The following EPHA7 variants were observed in gnomAD, a reference collection of about 807,000 sequenced individuals.
EPHA7 encodes the protein EPH receptor A7.
Under a neutral mutation model 112.6 loss-of-function variants are expected in EPHA7, and 25 were observed. That is an observed-to-expected ratio of 0.22 (90% confidence interval 0.16 to 0.31). The LOEUF (loss-of-function observed/expected upper bound fraction) is 0.31. EPHA7 is among the 10% of genes least tolerant of loss of function. The pLI is 1.00. For synonymous variants in EPHA7, 437 were observed against 406.5 expected (o/e 1.07, Z -0.90); for missense variants, 962 against 1,212.6 (o/e 0.79, Z 3.07).
chr6:93,271,768 T>C (rs1771232504), intron 6 of EPHA7, among the ~76,000 whole-genome samples: 1 of 151,898 alleles, frequency 6.6e-6, no homozygotes, highest in Admixed American at 6.6e-5. Context: ...TTAAAACATA[T>C]ATAAAATAAA....
At chr6:93,270,673 G>C (rs1328294638) in intron 6 of EPHA7, among the ~76,000 whole-genome samples, 1 of 151,594 alleles carries the variant, frequency 6.6e-6, no homozygotes, top group Non-Finnish European at 1.5e-5. Context: ...CCTTCACAGT[G>C]AGATTTGCAA....
chr6:93,340,234 A>G (rs556122823), intron 5 of EPHA7, among the ~76,000 whole-genome samples: 105 of 151,976 alleles, frequency 6.9e-4, no homozygotes, highest in African/African-American at 2.4e-3. Context: ...ATGTGCATAC[A>G]TAAACTTTAC....
intron 5 of EPHA7, among the ~76,000 whole-genome samples, chr6:93,302,559 TTC>T (rs1284707916): frequency 6.6e-6 from 1 of 152,200 alleles, no homozygotes; most frequent in Non-Finnish European, 1.5e-5. Flanking sequence ...GCGCATATAA[TTC>T]TCTGAGATGT....
At chr6:93,269,146 G>T (rs1434187491) in intron 7 of EPHA7, among the ~76,000 whole-genome samples, 1 of 151,672 alleles carries the variant, frequency 6.6e-6, no homozygotes, top group Non-Finnish European at 1.5e-5. Flanking sequence ...GACACACTTA[G>T]AATAAGATTG....
At chr6:93,389,992 A>C (rs1167819037) in intron 3 of EPHA7, among the ~76,000 whole-genome samples, 2 of 151,956 alleles carry the variant, frequency 1.3e-5, no homozygotes, top group South Asian at 2.1e-4. Flanking sequence ...TGTGTCCCCA[A>C]GTATCACTGA....
intron 14 of EPHA7, among the ~76,000 whole-genome samples, chr6:93,252,653 G>T (rs1001863264): frequency 6.6e-6 from 1 of 151,858 alleles, no homozygotes; most frequent in African/African-American, 2.4e-5. Flanking sequence ...TGTTCAAATA[G>T]CACTCTACTG....
chr6:93,378,707 A>G (rs978021336), intron 3 of EPHA7, among the ~76,000 whole-genome samples: 7 of 152,140 alleles, frequency 4.6e-5, no homozygotes, highest in African/African-American at 1.7e-4. Context: ...ACAGATTACA[A>G]AAGTGGAGGC....
chr6:93,414,311 T>C (rs1010697626), intron 2 of EPHA7, among the ~76,000 whole-genome samples: 3 of 151,920 alleles, frequency 2.0e-5, no homozygotes, highest in African/African-American at 7.2e-5. Context: ...GGAAAACAGA[T>C]TGATTACATA....
At position 93,358,360 on chromosome 6, in the gene EPHA7, C is replaced by T. The variant is rs765322526; in HGVS notation, c.884G>A (p.Arg295His). 1.2e-5 allele frequency: 19 copies of T among 1,612,200 alleles called. No individual in the cohort carries two copies. The highest frequency in any genetic ancestry group is 2.2e-5 in the South Asian group (2 of 90,920). ...ATCAGAAAAACTGTGAGTTGGACAACGAGAGCACTGAAGATCTTGAGAGGA... is the reference window on the plus strand; with the variant it reads ...ATCAGAAAAACTGTGAGTTGGACAATGAGAGCACTGAAGATCTTGAGAGGA... ...KSSSQDLQCS[R>H]CPTHSFSDKE... The change falls in exon 4 of 17, where the codon CGT (arginine) becomes CAT (histidine). Residue 295 changes from arginine to histidine, a missense_variant. By Grantham distance (29) the Arg-to-His change is conservative. Around this residue, in one of 3 missense-constraint regions of EPHA7, gnomAD observed 746 missense variants for 889.2 expected, o/e 0.84. Transcript: ENST00000369303.
At chr6:93,351,977 C>A (rs1458890788) in intron 5 of EPHA7, among the ~76,000 whole-genome samples, 1 of 152,062 alleles carries the variant, frequency 6.6e-6, no homozygotes, top group Non-Finnish European at 1.5e-5. Context: ...TGTCTAAAAT[C>A]ATGTAATTAT....
intron 3 of EPHA7, among the ~76,000 whole-genome samples, chr6:93,378,465 C>T (rs1777169611): frequency 6.6e-6 from 1 of 151,998 alleles, no homozygotes; most frequent in Non-Finnish European, 1.5e-5. Flanking sequence ...AGGCAGTATG[C>T]ATCAATTAGT....
intron 3 of EPHA7, among the ~76,000 whole-genome samples, chr6:93,359,411 T>C (rs1582590875): frequency 6.6e-6 from 1 of 151,080 alleles, no homozygotes. Flanking sequence ...TTCTTCATAT[T>C]TATTAAATAA....
chr6:93,268,904 CT>C (rs1262258660), intron 7 of EPHA7, among the ~76,000 whole-genome samples: 1 of 151,740 alleles, frequency 6.6e-6, no homozygotes, highest in Non-Finnish European at 1.5e-5. Context: ...TTCATATCTA[CT>C]TTAAATAGAT....
In EPHA7 at chr6:93,240,653, A is replaced by T. The variant is rs1769651580; in HGVS notation, c.*2773T>A. On this transcript the variant is annotated 3_prime_UTR_variant, in exon 17 of 17. Transcript: ENST00000369303. The stretch of plus-strand genomic sequence containing the variant: ...CTAAAAAAGGTGGCTCTATTAAAGC[A>T]AGGAGGCCATTTCCTTTTGCATTTT... 4.6e-6 allele frequency: 1 copy of T among 215,210 alleles called. No individual in the cohort carries two copies. Among genetic ancestry groups the T allele is most frequent in the Non-Finnish European group, 9.4e-6 (1 of 106,684 alleles). 13.3% of individuals were successfully genotyped at this position (215,210 alleles called of 1,614,324 possible). A position where few individuals can be genotyped will look rare whatever the true frequency, so the allele number is the denominator to read the frequency against.
chr6:93,316,639 TATC>T (rs1318821876), intron 5 of EPHA7, among the ~76,000 whole-genome samples: 1 of 152,158 alleles, frequency 6.6e-6, no homozygotes, highest in Non-Finnish European at 1.5e-5. Context: ...ACATATAAAA[TATC>T]AATTGTGCAA....
At chr6:93,365,680 T>A (rs1776472194) in intron 3 of EPHA7, among the ~76,000 whole-genome samples, 2 of 152,144 alleles carry the variant, frequency 1.3e-5, no homozygotes, top group Admixed American at 1.3e-4. Flanking sequence ...AAAAACAACA[T>A]GATGTAATGA....
intron 5 of EPHA7, among the ~76,000 whole-genome samples, chr6:93,332,747 T>G (rs1053110778): frequency 6.6e-6 from 1 of 151,718 alleles, no homozygotes; most frequent in African/African-American, 2.4e-5. Flanking sequence ...TAAACTGATA[T>G]GATCAACATC....
chr6:93,343,388 CA>C (rs1474278941), intron 5 of EPHA7, among the ~76,000 whole-genome samples: 1 of 151,486 alleles, frequency 6.6e-6, no homozygotes, highest in Admixed American at 6.6e-5. Context: ...TAAAAAAATT[CA>C]AAGTCAAACA....
intron 3 of EPHA7, among the ~76,000 whole-genome samples, chr6:93,363,375 A>T (rs185803051): frequency 6.6e-6 from 1 of 152,284 alleles, no homozygotes; most frequent in East Asian, 1.9e-4. Flanking sequence ...CAATAAGCCA[A>T]TCAAAAATAT....
Sources: allele counts gnomAD v4.1 joint callset (sites outside exome capture counted in the v4.1 genomes callset), GRCh38; gene constraint gnomAD v4.1.1; regional missense constraint gnomAD v4.1.1; transcripts MANE v1.5; gene names NCBI Gene and HGNC (gene_info 2026-07-23, HGNC 2026-07-21).